Variants in THNSL2 observed in about 807,000 individuals in gnomAD.
The protein encoded by THNSL2 is threonine synthase like 2.
Under a neutral mutation model 40.0 loss-of-function variants are expected in THNSL2, and 34 were observed. That is an observed-to-expected ratio of 0.85 (90% CI 0.65 to 1.13). THNSL2 has a LOEUF of 1.13. Ranked by LOEUF, THNSL2 falls within the 50% of genes most tolerant of loss-of-function variation. THNSL2 has a pLI of 0.00. For missense variants in THNSL2, 537 were observed against 608.8 expected (o/e 0.88, Z 1.24); for synonymous variants, 241 against 247.5 (o/e 0.97, Z 0.25).
At chr2:88,176,297 C>T (rs1450349765) in intron 4 of THNSL2, 1 of 152,208 alleles carries the variant, frequency 6.6e-6, no homozygotes, top group Non-Finnish European at 1.5e-5. Context: ...CAAAAGCCAT[C>T]TTTTTTAATA....
rs1553460733 is a variant in THNSL2, at chr2:88,170,410, G to GGCCCCGCGCCCCGC, written c.-56_-55insCCGCGCCCCGCGCC. ...GCCCGGGCAGCCCTGCTGCGCACCG[G>GGCCCCGCGCCCCGC]GCCTCGCGCCCCGCGCCCCGCGCCC... On this transcript the variant is annotated 5_prime_UTR_variant, in exon 1 of 9. Transcript: ENST00000674334. 3 of 122,806 alleles carry GGCCCCGCGCCCCGC rather than the reference G, an allele frequency of 2.4e-5. No individual in the cohort carries two copies. The highest frequency in any genetic ancestry group is 1.0e-4 in the African/African-American group (3 of 29,456). The allele number at this position is 122,806 out of a possible 1,614,324, so 7.6% of individuals were successfully genotyped here.
chr2:88,181,811 C>T (rs575017049), intron 5 of THNSL2, among the ~76,000 whole-genome samples: 3 of 152,044 alleles, frequency 2.0e-5, no homozygotes, highest in African/African-American at 7.2e-5. Flanking sequence ...TTGGTAACCA[C>T]GAATCTATTT....
chr2:88,178,773 C>A lies in THNSL2; in HGVS notation c.572-10C>A. On this transcript the variant is annotated splice_polypyrimidine_tract_variant and intron_variant, in intron 4 of 8. Transcript: ENST00000674334. ...TCCTGACAGCTGCCCTCTTCTCTCCCCCCTGGCAGTGGAGGGAAACAGCGA... is the reference window on the plus strand; with the variant it reads ...TCCTGACAGCTGCCCTCTTCTCTCCACCCTGGCAGTGGAGGGAAACAGCGA... 1.2e-6 allele frequency: 2 copies of A among 1,613,960 alleles called. No homozygotes were observed. The highest frequency in any genetic ancestry group is 8.5e-7 in the Non-Finnish European group (1 of 1,179,894).
At chr2:88,179,484 C>T (rs1677305976) in intron 5 of THNSL2, among the ~76,000 whole-genome samples, 1 of 152,194 alleles carries the variant, frequency 6.6e-6, no homozygotes. Flanking sequence ...GTTCTGGCCC[C>T]ATTTCTGTCC....
In THNSL2 at chr2:88,186,322, A is replaced by G. The variant is rs1439726941; in HGVS notation, c.*199A>G. ...CAGGGAGGCTGAGTGAGGGGCTGTG[A>G]ACAGTTGCCGGAAGCACCCCCTCCC... On this transcript the variant is annotated 3_prime_UTR_variant, in exon 9 of 9. Transcript: ENST00000674334. The G allele has an allele frequency of 3.6e-5, 22 of 610,722 alleles. No homozygotes were observed. Among genetic ancestry groups the G allele is most frequent in the Non-Finnish European group, 4.9e-5 (17 of 347,264 alleles). The allele number at this position is 610,722 out of a possible 1,614,324, so 37.8% of individuals were successfully genotyped here.
Position 88,170,410 on chromosome 2 carries a change from G to GCCCCGCGCCCCGCGCCCCGC in THNSL2, c.-59_-58insCCCCGCGCCCCGCGCCCCGC, listed in dbSNP as rs1553460734. On this transcript the variant is annotated 5_prime_UTR_variant, in exon 1 of 9. Coordinates refer to ENST00000674334, the MANE Select transcript of THNSL2 (RefSeq NM_018271.5). ...GCCCGGGCAGCCCTGCTGCGCACCG[G>GCCCCGCGCCCCGCGCCCCGC]GCCTCGCGCCCCGCGCCCCGCGCCC... 8 of 122,806 alleles carry GCCCCGCGCCCCGCGCCCCGC rather than the reference G, an allele frequency of 6.5e-5. No individual in the cohort carries two copies. Among genetic ancestry groups the GCCCCGCGCCCCGCGCCCCGC allele is most frequent in the Admixed American group, 6.2e-4 (8 of 12,822 alleles). 7.6% of individuals were successfully genotyped at this position (122,806 alleles called of 1,614,324 possible). A position where few individuals can be genotyped will look rare whatever the true frequency, so the allele number is the denominator to read the frequency against.
intron 2 of THNSL2, among the ~76,000 whole-genome samples, 196 bp downstream of exon 2, chr2:88,173,569 A>C (rs1317951568): frequency 5.3e-5 from 8 of 152,020 alleles, no homozygotes; most frequent in Non-Finnish European, 8.8e-5. Flanking sequence ...AGGGAGATGA[A>C]TGTTGAAATT....
At chr2:88,185,854 T>G (rs1678232797) in intron 8 of THNSL2, 44 bp from the exon 9 acceptor site, 2 of 1,554,340 alleles carry the variant, frequency 1.3e-6, no homozygotes, top group Non-Finnish European at 1.7e-6. Context: ...CATCTCTCTA[T>G]TCTCTCATTG....
chr2:88,174,600 C>T, intron 2 of THNSL2, 39 bp from the exon 3 acceptor site: 1 of 1,583,204 alleles, frequency 6.3e-7, no homozygotes, highest in Middle Eastern at 1.7e-4. Flanking sequence ...AGAAAGAGAC[C>T]AGGCCCCTCA....
intron 4 of THNSL2, chr2:88,177,274 TTGGTTTTAAGGAGGA>T (rs1161250011): frequency 6.6e-6 from 1 of 152,186 alleles, no homozygotes; most frequent in African/African-American, 2.4e-5. Flanking sequence ...GCTTTCTGGT[TTGGTTTTAAGGAGGA>T]TGTGTGTTAG....
chr2:88,175,380 C>G lies in THNSL2; in HGVS notation c.550C>G (p.Gln184Glu). The change falls in exon 4 of 9, where the codon CAG becomes GAG. Residue 184 changes from glutamine to glutamate, a missense_variant. Gln to Glu is a conservative substitution (Grantham distance 29, BLOSUM62 2). Transcript: ENST00000674334. Reference sequence around the variant, plus strand: ...GCTCCAGATGACAACGGTGCTGAAGCAGAACGTACATGTGTTTGGAGGTGT... The same window carrying G: ...GCTCCAGATGACAACGGTGCTGAAGGAGAACGTACATGTGTTTGGAGGTGT... Reference protein sequence around the residue: ...QELQMTTVLKQNVHVFGVEGN... With the variant: ...QELQMTTVLKENVHVFGVEGN... The G allele has an allele frequency of 2.5e-6, 4 of 1,614,172 alleles. No individual in the cohort carries two copies. The highest frequency in any genetic ancestry group is 3.4e-6 in the Non-Finnish European group (4 of 1,180,032).
intron 5 of THNSL2, among the ~76,000 whole-genome samples, 196 bp downstream of exon 5, chr2:88,179,209 C>T (rs369649802): frequency 2.6e-5 from 4 of 152,208 alleles, no homozygotes; most frequent in African/African-American, 7.2e-5. Flanking sequence ...ATCCTGCTGC[C>T]GGCAGCAGAG....
chr2:88,181,702 A>G (rs1463615998), intron 5 of THNSL2, among the ~76,000 whole-genome samples: 2 of 152,228 alleles, frequency 1.3e-5, no homozygotes, highest in African/African-American at 2.4e-5. Flanking sequence ...AACTATCACC[A>G]TAACCAATTT....
At chr2:88,171,295 G>A (rs1277709712) in intron 1 of THNSL2, 2 of 456,638 alleles carry the variant, frequency 4.4e-6, no homozygotes, top group Non-Finnish European at 8.8e-6. Context: ...GTCCTGTTGC[G>A]TGAGGGGCAT....
intron 4 of THNSL2, among the ~76,000 whole-genome samples, chr2:88,178,153 A>G (rs916420275): frequency 6.6e-6 from 1 of 152,200 alleles, no homozygotes; most frequent in Non-Finnish European, 1.5e-5. Context: ...TTAGTGGACA[A>G]TTCACCATAA....
intron 1 of THNSL2, among the ~76,000 whole-genome samples, chr2:88,170,736 C>T (rs1676276969): frequency 1.3e-5 from 2 of 152,246 alleles, no homozygotes; most frequent in South Asian, 4.1e-4. Flanking sequence ...AGTGGAATCT[C>T]AGGCGCCTGC....
intron 5 of THNSL2, among the ~76,000 whole-genome samples, 160 bp downstream of exon 5, chr2:88,179,173 C>G (rs1037476515): frequency 2.6e-5 from 4 of 152,232 alleles, no homozygotes; most frequent in African/African-American, 9.6e-5. Flanking sequence ...GATTTCCCCC[C>G]TCATTGCCTG....
chr2:88,171,310 A>G (rs1287980226), intron 1 of THNSL2: 13 of 456,526 alleles, frequency 2.8e-5, no homozygotes, highest in Non-Finnish European at 5.7e-5. Context: ...GGGCATGGGT[A>G]TGTGCTCATC....
rs1471965135 is a variant in THNSL2, at chr2:88,174,924, ACTGTG to A, written c.418+92_418+96del. 4.2e-6 allele frequency: 6 copies of A among 1,414,426 alleles called. No individual in the cohort carries two copies. In the African/African-American group the frequency reaches 8.5e-5, roughly 20 times the overall value. The allele number at this position is 1,414,426 out of a possible 1,614,324, so 87.6% of individuals were successfully genotyped here. A position where few individuals can be genotyped will look rare whatever the true frequency, so the allele number is the denominator to read the frequency against. ...ATGCTGTTCATAGAGCCACTCAGGAACTGTGGTACTGGTTCTTCCAGAGCAAGGTT... is the reference window on the plus strand; with the variant it reads ...ATGCTGTTCATAGAGCCACTCAGGAAGTACTGGTTCTTCCAGAGCAAGGTT... On this transcript the variant is annotated intron_variant, in intron 3 of 8. Transcript: ENST00000674334.
Sources: allele counts gnomAD v4.1 joint callset (sites outside exome capture counted in the v4.1 genomes callset), GRCh38; gene constraint gnomAD v4.1.1; transcripts MANE v1.5; gene names NCBI Gene and HGNC (gene_info 2026-07-23, HGNC 2026-07-21).